Variants in WHRN observed in about 807,000 individuals in gnomAD.
WHRN encodes CASK-interacting protein CIP98.
A neutral mutation model predicts 68.3 loss-of-function variants in WHRN; 41 were observed. That is an observed-to-expected ratio of 0.60 (90% CI 0.47 to 0.78). The LOEUF is 0.78. WHRN is among the 30% of genes least tolerant of loss of function. The pLI is 0.00. For missense variants in WHRN, 1,243 were observed against 1,244.7 expected (o/e 1.00, Z 0.02); for synonymous variants, 560 against 561.3 (o/e 1.00, Z 0.03).
chr9:114,455,061 CAT>C (rs754393549), intron 3 of WHRN, among the ~76,000 whole-genome samples: 5 of 152,228 alleles, frequency 3.3e-5, no homozygotes, highest in African/African-American at 7.2e-5. Context: ...CAAAATAAAT[CAT>C]AGACTAAAAT....
chr9:114,411,254 C>T (rs1835416758), intron 7 of WHRN, among the ~76,000 whole-genome samples: 1 of 152,188 alleles, frequency 6.6e-6, no homozygotes, highest in Admixed American at 6.5e-5. Flanking sequence ...TGGAAGTAGT[C>T]CAGCCAGGCG....
At chr9:114,499,823 A>G (rs1239743973) in intron 1 of WHRN, among the ~76,000 whole-genome samples, 1 of 152,232 alleles carries the variant, frequency 6.6e-6, no homozygotes, top group South Asian at 2.1e-4. Context: ...TGCAGCTCCA[A>G]CCAACTGATG....
intron 3 of WHRN, among the ~76,000 whole-genome samples, chr9:114,462,022 C>G (rs1030197923): frequency 6.6e-6 from 1 of 152,174 alleles, no homozygotes; most frequent in African/African-American, 2.4e-5. Flanking sequence ...GCCACAAACA[C>G]GTGCTTACAT....
At chr9:114,494,711 A>C (rs1437867559) in intron 1 of WHRN, among the ~76,000 whole-genome samples, 2 of 152,214 alleles carry the variant, frequency 1.3e-5, no homozygotes, top group Non-Finnish European at 2.9e-5. Flanking sequence ...AACTCTTGGC[A>C]ATTTTGGAAA....
chr9:114,503,259 G>A (rs1201048149), intron 1 of WHRN: 1 of 925,178 alleles, frequency 1.1e-6, no homozygotes, highest in Admixed American at 6.2e-5. Flanking sequence ...AACCCCCTGA[G>A]AAGCATTTCT....
At chr9:114,406,230 G>A (rs987025686) in intron 9 of WHRN, 125 bp downstream of exon 9, 25 of 1,367,290 alleles carry the variant, frequency 1.8e-5, no homozygotes, top group Admixed American at 7.1e-5. Flanking sequence ...AACTCCCTTC[G>A]CCACTCTGGC....
At chr9:114,503,848 C>A in intron 1 of WHRN, 1 of 305,156 alleles carries the variant, frequency 3.3e-6, no homozygotes, top group Non-Finnish European at 6.1e-6. Flanking sequence ...CCTAATTATG[C>A]CAAGCAGAGA....
intron 7 of WHRN, among the ~76,000 whole-genome samples, chr9:114,408,485 A>C (rs951943806): frequency 6.6e-6 from 1 of 152,242 alleles, no homozygotes; most frequent in Non-Finnish European, 1.5e-5. Context: ...TTTAAGGTTT[A>C]AATGGACCTT....
In WHRN at chr9:114,406,556, G is replaced by C. The variant is rs1315194687; in HGVS notation, c.2035C>G (p.Pro679Ala). The stretch of plus-strand genomic sequence containing the variant: ...GGGGGTGACTGGACCCGTGGGAAGG[G>C]GCCGATGGGGTGTTGGTTGACCAGG... ...LALVNQHPIG[P>A]FPRVQSPPHL... Residue 679 changes from proline (P) to alanine (A), a missense_variant, in exon 9 of 12, where the codon CCC (proline) becomes GCC (alanine). Coordinates refer to ENST00000362057, the MANE Select transcript of WHRN (RefSeq NM_015404.4). The C allele has an allele frequency of 6.2e-7, 1 of 1,612,356 alleles. No homozygotes were observed. The highest frequency in any genetic ancestry group is 1.1e-5 in the South Asian group (1 of 91,028).
chr9:114,490,869 G>C (rs1007071969), intron 1 of WHRN, among the ~76,000 whole-genome samples: 6 of 152,214 alleles, frequency 3.9e-5, no homozygotes, highest in Non-Finnish European at 8.8e-5. Context: ...CATAAGGACA[G>C]AACAGATTCC....
rs117066619 is a variant in WHRN, at chr9:114,465,185, C to T, written c.963+1082G>A. Among the ~76,000 whole-genome samples the T allele has an allele frequency of 1.4e-4, 22 of 152,326 alleles. No individual in the cohort carries two copies. In the East Asian group the frequency reaches 3.5e-3, roughly 24 times the overall value. On this transcript the variant is annotated intron_variant, in intron 3 of 11. Transcript: ENST00000362057. ...TCCTAAGAGAACCTGACAGACGTAT[C>T]GTCTCTGTACTCCAGCCTGTCTGCC...
At chr9:114,420,402 G>A (rs144385618) in intron 7 of WHRN, among the ~76,000 whole-genome samples, 7 of 152,300 alleles carry the variant, frequency 4.6e-5, no homozygotes, top group Non-Finnish European at 8.8e-5. Context: ...ACTTTGGGGC[G>A]AGGCTGGGAT....
chr9:114,486,820 A>AAG lies in WHRN; in HGVS notation c.619-8050_619-8049insCT, dbSNP rs1344450655. On this transcript the variant is annotated intron_variant, in intron 1 of 11. Transcript: ENST00000362057. ...TGTGCCCCAGCTTCCCAGGCAAAAA[A>AAG]AAAAAAAAAAAAAGAGAGAAATAAC... 2.1e-5 allele frequency among the ~76,000 whole-genome samples: 3 copies of AAG among 146,092 alleles called. No individual in the cohort carries two copies. The East Asian group carries it at 5.8e-4, about 28-fold the overall frequency.
At chr9:114,425,977 G>C (rs1203072327) in intron 4 of WHRN, 1 of 607,788 alleles carries the variant, frequency 1.6e-6, no homozygotes, top group Non-Finnish European at 2.9e-6. Context: ...TAAGTAATTT[G>C]GGGACAAATA....
chr9:114,432,318 C>T (rs903687575), intron 3 of WHRN, among the ~76,000 whole-genome samples: 5 of 152,204 alleles, frequency 3.3e-5, no homozygotes, highest in Admixed American at 6.5e-5. Flanking sequence ...CTGGGGCAGG[C>T]GCAGGAGCCC....
chr9:114,416,745 T>C lies in WHRN; in HGVS notation c.1626+6569A>G, dbSNP rs183449771. Among the ~76,000 whole-genome samples, 99 of 152,322 alleles carry C rather than the reference T, an allele frequency of 6.5e-4. 1 individual carries two copies. In the East Asian group the frequency reaches 0.016, roughly 25 times the overall value. On this transcript the variant is annotated intron_variant, in intron 7 of 11. Transcript: ENST00000362057. ...AGAACGGATTAATACAGGGCCCTTT[T>C]CCAACCTTTGGAGTAGAAACAGAAT... is the stretch of plus-strand genomic sequence containing the variant.
intron 2 of WHRN, among the ~76,000 whole-genome samples, chr9:114,469,793 T>C (rs769439443): frequency 1.3e-5 from 2 of 152,170 alleles, no homozygotes; most frequent in African/African-American, 4.8e-5. Flanking sequence ...GTTTGGGAGG[T>C]TGGAAGTATA....
chr9:114,427,987 C>G (rs1052282507), intron 3 of WHRN, among the ~76,000 whole-genome samples: 6 of 152,212 alleles, frequency 3.9e-5, no homozygotes, highest in African/African-American at 1.4e-4. Flanking sequence ...CCATCAGCCT[C>G]TCCACACTGT....
At chr9:114,439,976 G>A (rs1240551862) in intron 3 of WHRN, among the ~76,000 whole-genome samples, 1 of 152,098 alleles carries the variant, frequency 6.6e-6, no homozygotes, top group Non-Finnish European at 1.5e-5. Flanking sequence ...GCAGTGGTGT[G>A]ATCTCAGCTC....
Sources: gnomAD v4.1 joint callset for allele counts (sites outside exome capture counted in the v4.1 genomes callset) on GRCh38, gnomAD v4.1.1 for gene constraint, MANE v1.5 for transcripts, NCBI Gene and HGNC (gene_info 2026-07-23, HGNC 2026-07-21) for gene names.